CLCN6: variants seen among roughly 807,000 people sequenced by gnomAD.
The protein encoded by CLCN6 is H(+)/Cl(-) exchange transporter 6.
CLCN6 carries 70 observed loss-of-function variants against 109.8 expected under a neutral mutation model. The ratio of observed to expected loss-of-function variants is 0.64; its 90% CI spans 0.53 to 0.78. The LOEUF (loss-of-function observed/expected upper bound fraction) is 0.78. CLCN6 is among the 30% of genes least tolerant of loss of function. The pLI is 0.00. For missense variants in CLCN6, 984 were observed against 1,142.3 expected, an observed-to-expected ratio of 0.86 and a Z score of 2.00; for synonymous variants, 444 against 447.8, an observed-to-expected ratio of 0.99 and a Z score of 0.11.
chr1:11,822,293 C>CTG (rs1172756485), intron 5 of CLCN6, among the ~76,000 whole-genome samples: 12 of 152,200 alleles, frequency 7.9e-5, no homozygotes, highest in African/African-American at 2.9e-4. Context: ...AGGCCTCACA[C>CTG]TGTTGCCTAG....
At chr1:11,825,628 A>G (rs1644801918) in intron 8 of CLCN6, among the ~76,000 whole-genome samples, 1 of 151,748 alleles carries the variant, frequency 6.6e-6, no homozygotes. Flanking sequence ...AAGTTTTTTT[A>G]TTTTCATTTT....
At chr1:11,819,251 C>G (rs1364385551) in intron 4 of CLCN6, among the ~76,000 whole-genome samples, 1 of 152,226 alleles carries the variant, frequency 6.6e-6, no homozygotes, top group East Asian at 1.9e-4. Flanking sequence ...TTTTCCGTTG[C>G]TTCACTCAAC....
chr1:11,831,444 C>T (rs568087739), intron 13 of CLCN6, among the ~76,000 whole-genome samples: 73 of 152,200 alleles, frequency 4.8e-4, no homozygotes, highest in African/African-American at 1.6e-3. Flanking sequence ...CGTGAGCCAC[C>T]GTGTCCAGCT....
At position 11,807,260 on chromosome 1, in the gene CLCN6, A is replaced by G. The variant is rs1030473790; in HGVS notation, c.147+70A>G. On this transcript the variant is annotated intron_variant, in intron 2 of 22. Coordinates refer to ENST00000346436, the MANE Select transcript of CLCN6 (RefSeq NM_001286.5). Reference sequence around the variant, plus strand: ...CCTGGTCACTTCAGGCCGAAGCATTATGATTCCAACCAGAGATGCTCTTTG... The same window carrying G: ...CCTGGTCACTTCAGGCCGAAGCATTGTGATTCCAACCAGAGATGCTCTTTG... 2.8e-5 allele frequency: 38 copies of G among 1,370,392 alleles called. No homozygotes were observed. The African/African-American group carries it at 5.0e-4, about 18-fold the overall frequency. The allele number at this position is 1,370,392 out of a possible 1,614,324, so 84.9% of individuals were successfully genotyped here.
At chr1:11,808,712 A>T (rs1480951845) in intron 2 of CLCN6, among the ~76,000 whole-genome samples, 3 of 148,398 alleles carry the variant, frequency 2.0e-5, no homozygotes, top group African/African-American at 7.5e-5. Context: ...TTATTTGACA[A>T]CATAATTAGG....
At chr1:11,820,912 TA>T in intron 5 of CLCN6, 1 of 151,028 alleles carries the variant, frequency 6.6e-6, no homozygotes, top group South Asian at 2.1e-4. Flanking sequence ...CCATCTCTAC[TA>T]AAAGTACAAA....
chr1:11,810,731 TG>T (rs777308584), intron 2 of CLCN6, among the ~76,000 whole-genome samples: 2 of 152,158 alleles, frequency 1.3e-5, no homozygotes, highest in Non-Finnish European at 2.9e-5. Flanking sequence ...TATATTCCAT[TG>T]GTACATATTT....
chr1:11,812,667 TGTGTGTGTGTG>T (rs2100608543), intron 2 of CLCN6, among the ~76,000 whole-genome samples: 2 of 48,650 alleles, frequency 4.1e-5, no homozygotes, highest in East Asian at 1.4e-3. Context: ...AGTATGTTTG[TGTGTGTGTGTG>T]TGTGTGTGTG....
chr1:11,807,783 CTG>C (rs1644539340), intron 2 of CLCN6, among the ~76,000 whole-genome samples: 1 of 152,178 alleles, frequency 6.6e-6, no homozygotes, highest in Admixed American at 6.6e-5. Flanking sequence ...TAAAAGATGA[CTG>C]TTAACACCTT....
intron 2 of CLCN6, among the ~76,000 whole-genome samples, chr1:11,808,635 TTGATAAATC>T (rs1347137294): frequency 1.3e-5 from 2 of 152,184 alleles, no homozygotes; most frequent in African/African-American, 4.8e-5. Flanking sequence ...TTTTATTTGT[TTGATAAATC>T]TGTTAAATCT....
In CLCN6 at chr1:11,840,478, T is replaced by A; in HGVS notation, c.*255T>A. On this transcript the variant is annotated 3_prime_UTR_variant, in exon 23 of 23. Coordinates refer to ENST00000346436, the MANE Select transcript of CLCN6 (RefSeq NM_001286.5). ...CTCCCTGTGTTCCCACCCTCCAGTG[T>A]TGGCACAGGCCCACCCCTGGCTCCA... The A allele has an allele frequency of 1.8e-6, 1 of 560,654 alleles. No homozygotes were observed. Among genetic ancestry groups the A allele is most frequent in the Admixed American group, 3.0e-5 (1 of 33,174 alleles). 34.7% of individuals were successfully genotyped at this position (560,654 alleles called of 1,614,324 possible). A position where few individuals can be genotyped will look rare whatever the true frequency, so the allele number is the denominator to read the frequency against.
At chr1:11,836,282 A>G in intron 18 of CLCN6, 129 bp downstream of exon 18, 1 of 773,424 alleles carries the variant, frequency 1.3e-6, no homozygotes, top group Non-Finnish European at 2.1e-6. Context: ...CACTGTTCTC[A>G]TCACATGCGA....
chr1:11,826,139 C>CT lies in CLCN6; in HGVS notation c.649-13dup. 6.2e-7 allele frequency: 1 copy of CT among 1,606,246 alleles called. No individual in the cohort carries two copies. Reference sequence around the variant, plus strand: ...TATGAGTAGGCTCTTTAGTGGCTCTCTTTTCTCTTGCTTTAGTTTCAGAGC... The same window carrying CT: ...TATGAGTAGGCTCTTTAGTGGCTCTCTTTTTCTCTTGCTTTAGTTTCAGAGC... On this transcript the variant is annotated splice_polypyrimidine_tract_variant and intron_variant, in intron 8 of 22. Coordinates refer to ENST00000346436, the MANE Select transcript of CLCN6 (RefSeq NM_001286.5).
At chr1:11,814,265 TGA>T (rs1426918237) in intron 2 of CLCN6, among the ~76,000 whole-genome samples, 2 of 151,034 alleles carry the variant, frequency 1.3e-5, no homozygotes, top group Non-Finnish European at 3.0e-5. Flanking sequence ...TTTTTTTTTT[TGA>T]GAGTGTCTCA....
intron 4 of CLCN6, among the ~76,000 whole-genome samples, chr1:11,817,115 C>T (rs1644683265): frequency 6.6e-6 from 1 of 151,704 alleles, no homozygotes; most frequent in Non-Finnish European, 1.5e-5. Flanking sequence ...TAAATAGAGA[C>T]AGGGTCTCGC....
rs977933393 is a variant in CLCN6, at chr1:11,823,650, G to C, written c.454-57G>C. 4 of 1,612,504 alleles carry C rather than the reference G, an allele frequency of 2.5e-6. No individual in the cohort carries two copies. In the Admixed American group the frequency reaches 6.7e-5, roughly 27 times the overall value. ...TCTTCCGCCGCCCAGATTGTTGAGGGTAAGCCAGAGAACCAATGGATTTCG... is the reference window on the plus strand; with the variant it reads ...TCTTCCGCCGCCCAGATTGTTGAGGCTAAGCCAGAGAACCAATGGATTTCG... On this transcript the variant is annotated intron_variant, in intron 6 of 22. Coordinates refer to ENST00000346436, the MANE Select transcript of CLCN6 (RefSeq NM_001286.5).
Position 11,834,585 on chromosome 1 carries a change from G to T in CLCN6, c.1788G>T (p.Met596Ile), listed in dbSNP as rs1184288121. The T allele has an allele frequency of 2.5e-6, 4 of 1,613,540 alleles. No homozygotes were observed. Among genetic ancestry groups the T allele is most frequent in the Admixed American group, 3.3e-5 (2 of 60,024 alleles). Reference sequence around the variant, plus strand: ...TGGAATGGGAGACAGAGGTGGAAATGGACAAGTAAGGCCATGATTTTGCTC... The same window carrying T: ...TGGAATGGGAGACAGAGGTGGAAATTGACAAGTAAGGCCATGATTTTGCTC... ...PLLEWETEVE[M>I]DKLRASDIME... is the part of the protein sequence containing the mutation. Residue 596 changes from methionine to isoleucine, a missense_variant, in exon 17 of 23, where the codon ATG becomes ATT. Physicochemically the swap from Met to Ile is conservative, Grantham distance 10 (BLOSUM62 1). Transcript: ENST00000346436. This position sits in a 1 kb window ranked among gnomAD's most constrained non-coding sequence, Gnocchi z 4.5.
chr1:11,820,451 A>T, intron 5 of CLCN6: 1 of 709,066 alleles, frequency 1.4e-6, no homozygotes, highest in Non-Finnish European at 2.6e-6. Flanking sequence ...TTAAAACTCC[A>T]GAAGGCACAG....
At chr1:11,806,385 G>A (rs111334345) in intron 1 of CLCN6, 36 bp downstream of exon 1, 50,793 of 1,470,244 alleles carry the variant, frequency 0.035, 999 homozygotes, top group Middle Eastern at 0.047. Context: ...GGGAGGGGGC[G>A]GTTGCTAAGG....
Sources: gnomAD v4.1 joint callset for allele counts (sites outside exome capture counted in the v4.1 genomes callset) on GRCh38, gnomAD v4.1.1 for gene constraint, Gnocchi (gnomAD v3.1) non-coding constraint, MANE v1.5 for transcripts, NCBI Gene and HGNC (gene_info 2026-07-23, HGNC 2026-07-21) for gene names.